The following ZNF79 variants were observed in gnomAD, a reference collection of about 807,000 sequenced individuals.
ZNF79 encodes ZNFpT7.
ZNF79 carries 13 observed loss-of-function variants against 14.9 expected under a neutral mutation model. The ratio of observed to expected loss-of-function variants is 0.87; its 90% CI spans 0.57 to 1.38. The LOEUF is 1.38. ZNF79 is among the 40% of genes most tolerant of loss of function. The pLI, the probability that ZNF79 is intolerant of heterozygous loss-of-function variation, is 0.00. For synonymous variants in ZNF79, 223 were observed against 235.1 expected, an observed-to-expected ratio of 0.95 and a Z score of 0.47; for missense variants, 631 against 630.6, an observed-to-expected ratio of 1.00 and a Z score of -0.01.
chr9:127,424,912 T>C, intron 1 of ZNF79, 109 bp downstream of exon 1: 1 of 1,561,798 alleles, frequency 6.4e-7, no homozygotes, highest in Admixed American at 1.9e-5. Flanking sequence ...CTCCTACAGG[T>C]AGTTGGAGAC....
intron 4 of ZNF79, among the ~76,000 whole-genome samples, chr9:127,439,925 C>T (rs930955565): frequency 2.6e-5 from 4 of 152,096 alleles, no homozygotes; most frequent in African/African-American, 2.4e-5. Flanking sequence ...TGCAGTGGCG[C>T]GATCTCAGTT....
At chr9:127,432,127 T>G (rs1833870474) in intron 2 of ZNF79, among the ~76,000 whole-genome samples, 1 of 151,950 alleles carries the variant, frequency 6.6e-6, no homozygotes, top group Non-Finnish European at 1.5e-5. Flanking sequence ...CTTTTGCTTC[T>G]GCTTTCCTCA....
Position 127,437,311 on chromosome 9 carries a change from C to G in ZNF79, c.328+1308C>G, listed in dbSNP as rs1396513344. Among the ~76,000 whole-genome samples the G allele has an allele frequency of 2.7e-5, 4 of 149,084 alleles. 1 individual carries two copies. The highest frequency in any genetic ancestry group is 7.5e-5 in the African/African-American group (3 of 40,250). ...ACACTGCCTGTGGCAGGGAGCCTCC[C>G]TGGCCCTGCTGCTTCCTTCTCTCAA... On this transcript the variant is annotated intron_variant, in intron 4 of 4. Transcript: ENST00000342483.
chr9:127,439,117 A>AAAAGAAAAAAG (rs1834002525), intron 4 of ZNF79, among the ~76,000 whole-genome samples: 1 of 152,022 alleles, frequency 6.6e-6, no homozygotes, highest in African/African-American at 2.4e-5. Context: ...GTCACAAAAA[A>AAAAGAAAAAAG]AAAGAAAAAG....
Position 127,444,457 on chromosome 9 carries a change from G to A in ZNF79, c.757G>A (p.Glu253Lys). The change falls in exon 5 of 5, where the codon GAA becomes AAA. Residue 253 changes from glutamate to lysine, a missense_variant. Coordinates refer to ENST00000342483, the MANE Select transcript of ZNF79 (RefSeq NM_007135.3). ...TGGAGAGAAGCCTTACAAGTGCAGT[G>A]AATGTGGAAGAGCCTTCAGCCAGAA... ...HTGEKPYKCSECGRAFSQNAN... is the reference protein window; with the variant it reads ...HTGEKPYKCSKCGRAFSQNAN... 6.2e-7 allele frequency: 1 copy of A among 1,610,596 alleles called. No individual in the cohort carries two copies.
chr9:127,425,885 T>A (rs547795180), intron 1 of ZNF79, among the ~76,000 whole-genome samples: 1 of 152,282 alleles, frequency 6.6e-6, no homozygotes, highest in South Asian at 2.1e-4. Context: ...GAGCCACTGC[T>A]CCTGGCCAAG....
intron 1 of ZNF79, among the ~76,000 whole-genome samples, chr9:127,427,330 G>A (rs1296846038): frequency 6.6e-6 from 1 of 151,458 alleles, no homozygotes; most frequent in Non-Finnish European, 1.5e-5. Context: ...GGCTGAGGTA[G>A]GAGAATCGCT....
chr9:127,438,771 G>T (rs753280920), intron 4 of ZNF79, among the ~76,000 whole-genome samples: 4 of 152,162 alleles, frequency 2.6e-5, no homozygotes, highest in African/African-American at 7.2e-5. Flanking sequence ...GTCAGAGAGA[G>T]AGATTCTGTT....
At chr9:127,437,338 G>GC (rs11423510) in intron 4 of ZNF79, among the ~76,000 whole-genome samples, 66,952 of 148,896 alleles carry the variant, frequency 0.45, 15,559 homozygotes, top group Non-Finnish European at 0.48. Flanking sequence ...TTCTCTCAAG[G>GC]CCCCCCCCCG....
intron 4 of ZNF79, among the ~76,000 whole-genome samples, chr9:127,439,180 TACACACAC>T (rs35455038): frequency 5.3e-5 from 2 of 37,434 alleles, no homozygotes; most frequent in African/African-American, 1.3e-4. Flanking sequence ...GTGGGTGAAA[TACACACAC>T]ACACACACAC....
At position 127,424,620 on chromosome 9, in the gene ZNF79, G is replaced by A; in HGVS notation, c.-168G>A. On this transcript the variant is annotated 5_prime_UTR_variant, in exon 1 of 5. Coordinates refer to ENST00000342483, the MANE Select transcript of ZNF79 (RefSeq NM_007135.3). The stretch of plus-strand genomic sequence containing the variant: ...CTGGGCAGGCCCGGACAGCTCCCGC[G>A]ACCCAGCACCGCAGGATCAGACCGT... 1 of 1,018,584 alleles carries A rather than the reference G, an allele frequency of 9.8e-7. No individual in the cohort carries two copies. The highest frequency in any genetic ancestry group is 1.4e-6 in the Non-Finnish European group (1 of 694,210). 63.1% of individuals were successfully genotyped at this position (1,018,584 alleles called of 1,614,324 possible). A position where few individuals can be genotyped will look rare whatever the true frequency, so the allele number is the denominator to read the frequency against.
intron 1 of ZNF79, 180 bp downstream of exon 1, chr9:127,424,983 C>T (rs1564229052): frequency 4.1e-6 from 6 of 1,454,622 alleles, no homozygotes; most frequent in African/African-American, 1.4e-5. Context: ...ACATGTGCCC[C>T]TACAGTCCTT....
chr9:127,434,625 C>T (rs982399463), intron 2 of ZNF79, among the ~76,000 whole-genome samples: 1 of 152,134 alleles, frequency 6.6e-6, no homozygotes, highest in Non-Finnish European at 1.5e-5. Flanking sequence ...TAGTGTTAGG[C>T]ACTGCAATGC....
At chr9:127,435,873 A>G in intron 3 of ZNF79, 35 bp from the exon 4 acceptor site, 1 of 1,588,632 alleles carries the variant, frequency 6.3e-7, no homozygotes, top group South Asian at 1.1e-5. Context: ...ATACTTACTT[A>G]CAATTTCTAA....
At chr9:127,430,318 T>C (rs1241519931) in intron 2 of ZNF79, among the ~76,000 whole-genome samples, 4 of 152,060 alleles carry the variant, frequency 2.6e-5, no homozygotes, top group African/African-American at 9.7e-5. Flanking sequence ...TGTTAAATGG[T>C]TGTATTATAT....
At chr9:127,426,567 G>C (rs2131940257) in intron 1 of ZNF79, among the ~76,000 whole-genome samples, 1 of 152,174 alleles carries the variant, frequency 6.6e-6, no homozygotes, top group Middle Eastern at 3.4e-3. Flanking sequence ...GTAGACACAG[G>C]GTTTCACTGT....
chr9:127,441,474 C>A, intron 4 of ZNF79, among the ~76,000 whole-genome samples: 1 of 152,056 alleles, frequency 6.6e-6, no homozygotes, highest in Non-Finnish European at 1.5e-5. Flanking sequence ...GAGGTGGAGC[C>A]CAGATTTGAA....
chr9:127,433,644 C>A (rs961625419), intron 2 of ZNF79, among the ~76,000 whole-genome samples: 5 of 152,196 alleles, frequency 3.3e-5, no homozygotes, highest in African/African-American at 1.2e-4. Context: ...CCCAGAGTCT[C>A]CTAACTCCAG....
At position 127,444,277 on chromosome 9, in the gene ZNF79, T is replaced by G; in HGVS notation, c.577T>G (p.Tyr193Asp). The G allele has an allele frequency of 6.2e-7, 1 of 1,613,764 alleles. No individual in the cohort carries two copies. The highest frequency in any genetic ancestry group is 8.5e-7 in the Non-Finnish European group (1 of 1,179,988). ...CCTGAAACCTCACAGAGCAAAACCA[T>G]ATGCATGTAATGAATGTGGCAAAGC... is the stretch of plus-strand genomic sequence containing the variant. ...EILKPHRAKP[Y>D]ACNECGKAFS... The change falls in exon 5 of 5, where the codon TAT becomes GAT. Residue 193 changes from tyrosine (Y) to aspartate (D), a missense_variant. By Grantham distance (160) the Tyr-to-Asp change is radical. Coordinates refer to ENST00000342483, the MANE Select transcript of ZNF79 (RefSeq NM_007135.3).
Sources: gnomAD v4.1 joint callset for allele counts (sites outside exome capture counted in the v4.1 genomes callset) on GRCh38, gnomAD v4.1.1 for gene constraint, MANE v1.5 for transcripts, NCBI Gene and HGNC (gene_info 2026-07-23, HGNC 2026-07-21) for gene names.